Variants in RSF1 observed in about 807,000 individuals in gnomAD.
RSF1 encodes remodeling and spacing factor 1, also known as HBV pX-associated protein 8.
RSF1 carries 13 observed loss-of-function variants against 145.2 expected under a neutral mutation model. That is an observed-to-expected ratio of 0.09 (90% confidence interval 0.06 to 0.14). The LOEUF is 0.14. Among genes scored for constraint, RSF1 ranks in the 10% least tolerant of loss-of-function variants. RSF1 has a pLI of 1.00. For synonymous variants in RSF1, 577 were observed against 592.6 expected, an observed-to-expected ratio of 0.97 and a Z score of 0.38; for missense variants, 1,517 against 1,718.2, an observed-to-expected ratio of 0.88 and a Z score of 2.07.
At chr11:77,861,662 A>G in the RSF1 span, among the ~76,000 whole-genome samples, 85 of 152,298 alleles carry the variant, frequency 5.6e-4, no homozygotes, top group African/African-American at 2.0e-3. Flanking sequence ...TATGTGGACA[A>G]TCTTTTTTAA....
chr11:77,750,417 T>C (rs1948049646), intron 2 of RSF1, among the ~76,000 whole-genome samples: 1 of 152,236 alleles, frequency 6.6e-6, no homozygotes. Flanking sequence ...ACTTTGTTTA[T>C]GGATAATGAA....
At chr11:77,832,205 G>A in the RSF1 span, among the ~76,000 whole-genome samples, 1 of 151,976 alleles carries the variant, frequency 6.6e-6, no homozygotes, top group African/African-American at 2.4e-5. Context: ...ACAATTATAG[G>A]TTTGGAAGTG....
intron 1 of RSF1, among the ~76,000 whole-genome samples, chr11:77,772,109 A>G (rs1204408179): frequency 6.6e-6 from 1 of 152,218 alleles, no homozygotes; most frequent in Non-Finnish European, 1.5e-5. Flanking sequence ...TATTTCAGAA[A>G]GACAATATGT....
At chr11:77,855,907 C>T in the RSF1 span, among the ~76,000 whole-genome samples, 1 of 152,000 alleles carries the variant, frequency 6.6e-6, no homozygotes, top group Non-Finnish European at 1.5e-5. Context: ...TGCTTAAGTT[C>T]AGGAGTTCAA....
the RSF1 span, among the ~76,000 whole-genome samples, chr11:77,828,541 G>A: frequency 6.6e-6 from 1 of 150,942 alleles, no homozygotes; most frequent in Non-Finnish European, 1.5e-5. Flanking sequence ...TGGGGTAGTG[G>A]GCGCCTGTAG....
intron 1 of RSF1, among the ~76,000 whole-genome samples, chr11:77,772,899 C>T (rs1948302565): frequency 6.7e-6 from 1 of 149,406 alleles, no homozygotes; most frequent in Admixed American, 6.6e-5. Context: ...GACATCTAGC[C>T]TTCCATTCCA....
chr11:77,750,317 C>T (rs1458998052), intron 2 of RSF1, among the ~76,000 whole-genome samples: 1 of 152,166 alleles, frequency 6.6e-6, no homozygotes, highest in African/African-American at 2.4e-5. Flanking sequence ...GCCATAGAGT[C>T]TCTCTTGTAT....
At chr11:77,786,956 G>C (rs1431848747) in intron 1 of RSF1, among the ~76,000 whole-genome samples, 1 of 152,168 alleles carries the variant, frequency 6.6e-6, no homozygotes, top group African/African-American at 2.4e-5. Flanking sequence ...GGCAAACAGG[G>C]AGGATCAATC....
At position 77,719,016 on chromosome 11, in the gene RSF1, G is replaced by A. The variant is rs561607432; in HGVS notation, c.733+6529C>T. On this transcript the variant is annotated intron_variant, in intron 5 of 15. Coordinates refer to ENST00000308488, the MANE Select transcript of RSF1 (RefSeq NM_016578.4). ...ATAATCTTAACATGTTGGGAGATGG[G>A]GGGGAGGATTGCCTGAGGCCAGGAG... Among the ~76,000 whole-genome samples the A allele has an allele frequency of 3.3e-5, 5 of 152,096 alleles. No homozygotes were observed. The South Asian group carries it at 6.2e-4, about 19-fold the overall frequency.
chr11:77,820,505 G>T (rs1446960994), intron 1 of RSF1, 23 bp downstream of exon 1: 6 of 1,545,044 alleles, frequency 3.9e-6, no homozygotes, highest in African/African-American at 2.7e-5. Flanking sequence ...GCTTCCCGCC[G>T]GGCGTTCGGG....
intron 1 of RSF1, among the ~76,000 whole-genome samples, chr11:77,788,180 A>AG (rs1948479258): frequency 1.0e-5 from 1 of 98,074 alleles, no homozygotes; most frequent in Non-Finnish European, 2.2e-5. Flanking sequence ...AAAAAAAATT[A>AG]GGGGTAAAAA....
At chr11:77,821,098 C>CG, upstream of RSF1, 1 of 443,570 alleles carries the variant, frequency 2.3e-6, no homozygotes, top group Non-Finnish European at 4.0e-6. Context: ...GCAGAGGGGG[C>CG]GGGGCCTCGG....
chr11:77,790,955 G>A (rs1490860680), intron 1 of RSF1, among the ~76,000 whole-genome samples: 1 of 152,166 alleles, frequency 6.6e-6, no homozygotes, highest in Non-Finnish European at 1.5e-5. Flanking sequence ...AGCTCTCAGT[G>A]GATCTACCAT....
the RSF1 span, among the ~76,000 whole-genome samples, chr11:77,860,071 C>G: frequency 6.6e-6 from 1 of 152,222 alleles, no homozygotes; most frequent in East Asian, 1.9e-4. Context: ...AGGTATGCCA[C>G]AGGTTGCAAG....
the RSF1 span, among the ~76,000 whole-genome samples, chr11:77,857,488 C>G: frequency 6.6e-6 from 1 of 152,118 alleles, no homozygotes; most frequent in East Asian, 1.9e-4. Context: ...TTGTAGGAAG[C>G]TCTAAAGTCA....
At chr11:77,682,355 T>TA (rs1959885699) in intron 11 of RSF1, among the ~76,000 whole-genome samples, 1 of 152,164 alleles carries the variant, frequency 6.6e-6, no homozygotes, top group African/African-American at 2.4e-5. Context: ...TTATTCAAGT[T>TA]AAAAAACTGA....
chr11:77,783,714 C>T (rs1948427197), intron 1 of RSF1, among the ~76,000 whole-genome samples: 1 of 151,860 alleles, frequency 6.6e-6, no homozygotes, highest in South Asian at 2.1e-4. Flanking sequence ...TAATGGTGTG[C>T]GTCAGGAGTC....
At chr11:77,682,897 C>T (rs1410584703) in intron 11 of RSF1, among the ~76,000 whole-genome samples, 2 of 152,052 alleles carry the variant, frequency 1.3e-5, no homozygotes, top group African/African-American at 4.8e-5. Flanking sequence ...GACTAAAAGG[C>T]GATGCAGCAA....
chr11:77,870,462 G>A, the RSF1 span, among the ~76,000 whole-genome samples: 3 of 144,332 alleles, frequency 2.1e-5, no homozygotes, highest in Non-Finnish European at 4.5e-5. Flanking sequence ...TCAGCCTCCC[G>A]AGTAGCTGGG....
Sources: gnomAD v4.1 joint callset for allele counts (sites outside exome capture counted in the v4.1 genomes callset) on GRCh38, gnomAD v4.1.1 for gene constraint, MANE v1.5 for transcripts, NCBI Gene and HGNC (gene_info 2026-07-23, HGNC 2026-07-21) for gene names.